The following IGFL2 variants were observed in gnomAD, a reference collection of about 807,000 sequenced individuals.
IGFL2 encodes insulin growth factor-like family member 2.
IGFL2 carries 7 observed loss-of-function variants against 13.9 expected under a neutral mutation model. The ratio of observed to expected loss-of-function variants is 0.51; its 90% CI spans 0.29 to 0.95. The LOEUF (loss-of-function observed/expected upper bound fraction) is 0.95. Ranked by LOEUF, IGFL2 falls within the 40% of genes least tolerant of loss-of-function variation. IGFL2 has a pLI of 0.08. For synonymous variants in IGFL2, 55 were observed against 55.8 expected, an observed-to-expected ratio of 0.99 and a Z score of 0.07; for missense variants, 138 against 147.8, an observed-to-expected ratio of 0.93 and a Z score of 0.34.
chr19:46,173,976 TG>T, the IGFL2 span: 1 of 152,224 alleles, frequency 6.6e-6, no homozygotes, highest in Non-Finnish European at 1.5e-5. Flanking sequence ...AAGATGGAGC[TG>T]GGGTAAAGTC....
chr19:46,157,646 C>A (rs1050617600), intron 1 of IGFL2, among the ~76,000 whole-genome samples: 4 of 152,144 alleles, frequency 2.6e-5, no homozygotes, highest in African/African-American at 9.7e-5. Flanking sequence ...TCGATAAAGT[C>A]CATCTACAAA....
At chr19:46,107,710 T>C in the IGFL2 span, among the ~76,000 whole-genome samples, 4 of 152,202 alleles carry the variant, frequency 2.6e-5, no homozygotes, top group Non-Finnish European at 4.4e-5. Context: ...TAAGTTCTTT[T>C]GTGGGGTTTG....
the IGFL2 span, chr19:46,120,105 A>C: frequency 1.7e-6 from 1 of 574,866 alleles, no homozygotes; most frequent in Non-Finnish European, 3.0e-6. Flanking sequence ...TTGCCGATGA[A>C]AGTGGCTCTC....
the IGFL2 span, among the ~76,000 whole-genome samples, chr19:46,171,984 TTA>T: frequency 6.6e-6 from 1 of 151,932 alleles, no homozygotes; most frequent in Non-Finnish European, 1.5e-5. Flanking sequence ...AAAAAAAAAA[TTA>T]TGTGTGATGA....
chr19:46,088,240 A>G, the IGFL2 span, among the ~76,000 whole-genome samples: 3 of 152,172 alleles, frequency 2.0e-5, no homozygotes, highest in African/African-American at 4.8e-5. Flanking sequence ...TTTCCTCTCC[A>G]TAAAAGAGGC....
the IGFL2 span, among the ~76,000 whole-genome samples, chr19:46,166,615 C>T: frequency 2.0e-5 from 3 of 152,096 alleles, no homozygotes; most frequent in Non-Finnish European, 4.4e-5. Flanking sequence ...AGCCTGGGAG[C>T]GCTATGGGAG....
the IGFL2 span, among the ~76,000 whole-genome samples, chr19:46,178,491 G>A: frequency 6.6e-6 from 1 of 152,136 alleles, no homozygotes; most frequent in East Asian, 1.9e-4. Flanking sequence ...CAACTGTACA[G>A]AATCTCCTTC....
the IGFL2 span, among the ~76,000 whole-genome samples, chr19:46,183,454 G>A: frequency 2.6e-5 from 4 of 151,034 alleles, no homozygotes; most frequent in East Asian, 7.8e-4. Flanking sequence ...CCCAGGCTGG[G>A]CCTCAGCCTA....
chr19:46,171,527 T>C, the IGFL2 span, among the ~76,000 whole-genome samples: 1 of 152,222 alleles, frequency 6.6e-6, no homozygotes, highest in East Asian at 1.9e-4. Context: ...TTGTGTCTTA[T>C]TTTTCTCTAT....
the IGFL2 span, among the ~76,000 whole-genome samples, chr19:46,102,072 A>AG: frequency 1.3e-5 from 2 of 152,210 alleles, no homozygotes; most frequent in African/African-American, 4.8e-5. Context: ...AGACTTTCCC[A>AG]GGGGTAACAA....
At chr19:46,198,028 TTCCTTCCTTCCTTCCTG>T in the IGFL2 span, 1 of 92,074 alleles carries the variant, frequency 1.1e-5, no homozygotes, top group African/African-American at 6.0e-5. Flanking sequence ...CCTCCCTCCC[TTCCTTCCTTCCTTCCTG>T]CCTTCCTTCC....
chr19:46,094,598 A>G, the IGFL2 span, among the ~76,000 whole-genome samples: 3 of 152,002 alleles, frequency 2.0e-5, no homozygotes, highest in East Asian at 5.8e-4. Flanking sequence ...AACGTGTGCC[A>G]TGGTGGTTTG....
At chr19:46,151,417 G>T (rs545961572) in intron 1 of IGFL2, among the ~76,000 whole-genome samples, 2 of 152,176 alleles carry the variant, frequency 1.3e-5, no homozygotes, top group South Asian at 2.1e-4. Flanking sequence ...AAATCTAAGG[G>T]TTTATTTTCT....
chr19:46,097,509 C>T, the IGFL2 span, among the ~76,000 whole-genome samples: 1 of 151,968 alleles, frequency 6.6e-6, no homozygotes, highest in Non-Finnish European at 1.5e-5. Context: ...GTCTCTATCT[C>T]CTTCAGTTCC....
the IGFL2 span, among the ~76,000 whole-genome samples, chr19:46,185,388 C>T: frequency 6.6e-6 from 1 of 152,198 alleles, no homozygotes; most frequent in African/African-American, 2.4e-5. Flanking sequence ...TGCTCAGAAT[C>T]AGAGACATGG....
At chr19:46,150,205 A>G (rs1261936419) in intron 1 of IGFL2, among the ~76,000 whole-genome samples, 2 of 152,064 alleles carry the variant, frequency 1.3e-5, no homozygotes, top group Non-Finnish European at 2.9e-5. Context: ...AGATTTTTCC[A>G]TGTTTAAATT....
At chr19:46,083,868 G>A in the IGFL2 span, among the ~76,000 whole-genome samples, 1 of 152,170 alleles carries the variant, frequency 6.6e-6, no homozygotes, top group Non-Finnish European at 1.5e-5. Context: ...GGTTGTTTGG[G>A]AATAGTCAAT....
At chr19:46,189,520 T>G in the IGFL2 span, 2 of 152,388 alleles carry the variant, frequency 1.3e-5, no homozygotes, top group South Asian at 4.1e-4. Flanking sequence ...GTCTGCTAAG[T>G]AGTGGGTGCT....
At chr19:46,136,844 T>A in the IGFL2 span, 1 of 714,368 alleles carries the variant, frequency 1.4e-6, no homozygotes, top group Non-Finnish European at 2.6e-6. Flanking sequence ...TGAGATCCAT[T>A]GGAGTAGGGG....
Sources: gnomAD v4.1 joint callset for allele counts (sites outside exome capture counted in the v4.1 genomes callset) on GRCh38, gnomAD v4.1.1 for gene constraint, MANE v1.5 for transcripts, NCBI Gene and HGNC (gene_info 2026-07-23, HGNC 2026-07-21) for gene names.